Variants in CDH23 observed in about 807,000 individuals in gnomAD.
CDH23 encodes cadherin related 23, also known as cadherin-23.
CDH23 carries 189 observed loss-of-function variants against 317.1 expected under a neutral mutation model. The observed-to-expected ratio is 0.60, with a 90% CI of 0.53 to 0.67. The LOEUF is 0.67. Among genes scored for constraint, CDH23 ranks in the 30% least tolerant of loss-of-function variants. The probability of loss-of-function intolerance (pLI) is 0.00; values close to 1 mark genes in which losing one functional copy is unlikely to be tolerated. For missense variants in CDH23, 4,401 were observed against 4,592.4 expected (o/e 0.96, Z 1.20); for synonymous variants, 1,839 against 1,876.8 (o/e 0.98, Z 0.52).
At position 71,734,243 on chromosome 10, in the gene CDH23, G is replaced by T; in HGVS notation, c.4108G>T (p.Val1370Leu). 3 of 1,609,054 alleles carry T rather than the reference G, an allele frequency of 1.9e-6. No individual in the cohort carries two copies. The highest frequency in any genetic ancestry group is 2.5e-6 in the Non-Finnish European group (3 of 1,177,874). The change falls in exon 33 of 70, where the codon GTG becomes TTG. Residue 1370 changes from valine (V) to leucine (L), a missense_variant. Transcript: ENST00000224721. ...CCATCTGGCCCCTTCCCTGCAGGGT[G>T]TGATCACAGTCCAGGGCCTGGTGGA... Reference protein sequence around the residue: ...ALFKIDAITGVITVQGLVDRE... With the variant: ...ALFKIDAITGLITVQGLVDRE...
chr10:71,461,650 C>T (rs555323919), intron 3 of CDH23, among the ~76,000 whole-genome samples: 29 of 152,328 alleles, frequency 1.9e-4, no homozygotes, highest in African/African-American at 6.3e-4. Flanking sequence ...CACAGGACAG[C>T]GCGGCCACCG....
At position 71,453,667 on chromosome 10, in the gene CDH23, G is replaced by T. The variant is rs1001891347; in HGVS notation, c.145+7272G>T. On this transcript the variant is annotated intron_variant, in intron 3 of 69. Coordinates refer to ENST00000224721, the MANE Select transcript of CDH23 (RefSeq NM_022124.6). ...GAGGAGAAGCATCTCTTGGGAGAGG[G>T]TGGAGAACCACAGTGGGAGAATTAT... 2.6e-5 allele frequency among the ~76,000 whole-genome samples: 4 copies of T among 152,376 alleles called. No homozygotes were observed. In the East Asian group the frequency reaches 7.7e-4, roughly 29 times the overall value.
intron 6 of CDH23, among the ~76,000 whole-genome samples, chr10:71,546,198 C>T (rs550482747): frequency 6.6e-6 from 1 of 152,268 alleles, no homozygotes; most frequent in South Asian, 2.1e-4. Context: ...GTCATGGTCT[C>T]CTTACCAATG....
chr10:71,723,842 G>A (rs1212871779), intron 28 of CDH23, among the ~76,000 whole-genome samples: 1 of 152,130 alleles, frequency 6.6e-6, no homozygotes, highest in Non-Finnish European at 1.5e-5. Flanking sequence ...GGGCTGCAGG[G>A]GCCATCAGCG....
At chr10:71,541,782 A>G (rs1856002812) in intron 6 of CDH23, among the ~76,000 whole-genome samples, 1 of 152,250 alleles carries the variant, frequency 6.6e-6, no homozygotes, top group Non-Finnish European at 1.5e-5. Flanking sequence ...TTCTTGTGAT[A>G]CAAAAGCAGC....
chr10:71,687,158 G>T (rs1020744137), intron 18 of CDH23, among the ~76,000 whole-genome samples: 2 of 152,218 alleles, frequency 1.3e-5, no homozygotes, highest in Admixed American at 1.3e-4. Flanking sequence ...CAGAGTTTGG[G>T]CTCTGGGAAC....
At chr10:71,414,445 A>ATG (rs1459638913) in intron 1 of CDH23, among the ~76,000 whole-genome samples, 1 of 152,232 alleles carries the variant, frequency 6.6e-6, no homozygotes, top group African/African-American at 2.4e-5. Flanking sequence ...TCTTCTGCTA[A>ATG]TGTGGTAAAT....
chr10:71,700,578 G>C (rs1006983994), intron 22 of CDH23, among the ~76,000 whole-genome samples: 3 of 152,194 alleles, frequency 2.0e-5, no homozygotes, highest in Non-Finnish European at 4.4e-5. Context: ...TAGGGAAACT[G>C]AGGCAATGTG....
chr10:71,596,681 C>G (rs1859869958), intron 9 of CDH23, among the ~76,000 whole-genome samples: 1 of 152,188 alleles, frequency 6.6e-6, no homozygotes, highest in African/African-American at 2.4e-5. Context: ...TAGGGTTGCT[C>G]TGGACAGACA....
At chr10:71,636,815 G>A (rs1245850475) in intron 11 of CDH23, among the ~76,000 whole-genome samples, 1 of 152,206 alleles carries the variant, frequency 6.6e-6, no homozygotes, top group Non-Finnish European at 1.5e-5. Context: ...AGAAACGGAG[G>A]CCTGGAGCCA....
intron 38 of CDH23, chr10:71,755,515 C>T: frequency 6.6e-7 from 1 of 1,519,332 alleles, no homozygotes; most frequent in Non-Finnish European, 9.0e-7. Context: ...CCCATTGCTC[C>T]TCCTGAGCAT....
chr10:71,646,683 G>A (rs1159582088), intron 14 of CDH23, 66 bp downstream of exon 14: 5 of 1,613,910 alleles, frequency 3.1e-6, no homozygotes, highest in Non-Finnish European at 4.2e-6. Context: ...GGCACCCAGA[G>A]GGATTTTGTC....
At chr10:71,553,964 C>T (rs145396698) in intron 6 of CDH23, among the ~76,000 whole-genome samples, 6 of 152,202 alleles carry the variant, frequency 3.9e-5, no homozygotes, top group African/African-American at 1.4e-4. Flanking sequence ...CCTTCCCCTC[C>T]CCTTCCAGAC....
chr10:71,651,162 G>T (rs955201705), intron 14 of CDH23, among the ~76,000 whole-genome samples: 8 of 152,116 alleles, frequency 5.3e-5, no homozygotes, highest in Non-Finnish European at 7.4e-5. Flanking sequence ...ACCTTGCCTG[G>T]GGTCCAGGAA....
chr10:71,791,627 G>T (rs1222294583), intron 47 of CDH23, among the ~76,000 whole-genome samples: 3 of 150,348 alleles, frequency 2.0e-5, no homozygotes, highest in Admixed American at 6.6e-5. Flanking sequence ...CCAGGCTGGA[G>T]TGCAATGGCA....
At position 71,796,873 on chromosome 10, in the gene CDH23, G is replaced by A. The variant is rs369979249; in HGVS notation, c.6713-231G>A. 489 of 462,260 alleles carry A rather than the reference G, an allele frequency of 1.1e-3. 6 individuals carry two copies. Among genetic ancestry groups the A allele is most frequent in the South Asian group, 5.8e-3 (228 of 39,258 alleles). The allele number at this position is 462,260 out of a possible 1,614,324, so 28.6% of individuals were successfully genotyped here. ...AATGTGGACACAGAGGTGCAGAGAG[G>A]TGACATAACTTCCCCAACATCACCT... is the stretch of plus-strand genomic sequence containing the variant. On this transcript the variant is annotated intron_variant, in intron 48 of 69. Transcript: ENST00000224721.
intron 38 of CDH23, among the ~76,000 whole-genome samples, chr10:71,762,589 AC>A (rs1286354917): frequency 2.0e-5 from 3 of 152,236 alleles, no homozygotes; most frequent in Admixed American, 2.0e-4. Flanking sequence ...CGACAGCAGA[AC>A]CCCATGGCAA....
intron 11 of CDH23, among the ~76,000 whole-genome samples, chr10:71,622,654 A>G (rs1298286162): frequency 6.6e-6 from 1 of 152,220 alleles, no homozygotes; most frequent in Admixed American, 6.5e-5. Flanking sequence ...GAAAACTGAC[A>G]GTTCCTCTCA....
chr10:71,689,628 G>A (rs557983840), intron 19 of CDH23, among the ~76,000 whole-genome samples: 6 of 152,348 alleles, frequency 3.9e-5, no homozygotes, highest in African/African-American at 1.4e-4. Context: ...CACCAGCCCT[G>A]CAGCCCAGTG....
Sources: gnomAD v4.1 joint callset for allele counts (sites outside exome capture counted in the v4.1 genomes callset) on GRCh38, gnomAD v4.1.1 for gene constraint, MANE v1.5 for transcripts, NCBI Gene and HGNC (gene_info 2026-07-23, HGNC 2026-07-21) for gene names.